Variants in MBNL1 observed in about 807,000 individuals in gnomAD.
MBNL1 encodes muscleblind-like protein 1.
A neutral mutation model predicts 42.2 loss-of-function variants in MBNL1; 8 were observed. The ratio of observed to expected loss-of-function variants is 0.19; its 90% CI spans 0.11 to 0.34. The LOEUF (loss-of-function observed/expected upper bound fraction) is 0.34, where lower values mean the gene tolerates loss of function less well. Among genes scored for constraint, MBNL1 ranks in the 10% least tolerant of loss-of-function variants. MBNL1 has a pLI of 1.00. For missense variants in MBNL1, 309 were observed against 495.3 expected (o/e 0.62, Z 3.57); for synonymous variants, 169 against 173.9 (o/e 0.97, Z 0.22).
chr3:152,408,915 C>G (rs969385282), intron 2 of MBNL1, among the ~76,000 whole-genome samples: 1 of 152,150 alleles, frequency 6.6e-6, no homozygotes, highest in Non-Finnish European at 1.5e-5. Flanking sequence ...AAAAATATAT[C>G]TAGCCCAAAA....
chr3:152,458,954 T>TGC (rs1198888334), intron 8 of MBNL1: 1 of 199,794 alleles, frequency 5.0e-6, no homozygotes, highest in Non-Finnish European at 1.0e-5. Flanking sequence ...ACCACGGGGG[T>TGC]GCGTGTGTGT....
intron 2 of MBNL1, among the ~76,000 whole-genome samples, chr3:152,336,135 T>C (rs1471267578): frequency 6.7e-6 from 1 of 148,318 alleles, no homozygotes; most frequent in Non-Finnish European, 1.5e-5. Context: ...TCTGATCTTA[T>C]GTAAGATACT....
intron 3 of MBNL1, among the ~76,000 whole-genome samples, chr3:152,426,217 G>A (rs1193607101): frequency 6.6e-6 from 1 of 151,918 alleles, no homozygotes; most frequent in Non-Finnish European, 1.5e-5. Flanking sequence ...GGCAAGGTGG[G>A]GGATAGCATT....
chr3:152,250,360 T>C (rs2034303426), intron 2 of MBNL1, among the ~76,000 whole-genome samples: 1 of 151,582 alleles, frequency 6.6e-6, no homozygotes, highest in African/African-American at 2.4e-5. Flanking sequence ...GATTCCTAAG[T>C]ATTTTATTCT....
chr3:152,399,165 G>A (rs16864251), intron 2 of MBNL1, among the ~76,000 whole-genome samples: 32,917 of 151,990 alleles, frequency 0.22, 3,801 homozygotes, highest in South Asian at 0.28. Context: ...GCACATGAGA[G>A]GTCTCACCAT....
In MBNL1 at chr3:152,464,896, G is replaced by A. The variant is rs548084416; in HGVS notation, c.*2530G>A. The A allele has an allele frequency of 6.5e-6, 1 of 152,768 alleles. No individual in the cohort carries two copies. The highest frequency in any genetic ancestry group is 2.1e-4 in the South Asian group (1 of 4,826). 9.5% of individuals were successfully genotyped at this position (152,768 alleles called of 1,614,324 possible). A position where few individuals can be genotyped will look rare whatever the true frequency, so the allele number is the denominator to read the frequency against. ...ATAAAAACGTCTATAATTACAAGGA[G>A]TTTTGTTAAGGCTAATACAATGACA... On this transcript the variant is annotated 3_prime_UTR_variant, in exon 10 of 10. Transcript: ENST00000324210.
chr3:152,361,948 G>A (rs978480586), intron 2 of MBNL1, among the ~76,000 whole-genome samples: 1 of 152,124 alleles, frequency 6.6e-6, no homozygotes, highest in Non-Finnish European at 1.5e-5. Context: ...TTTTAAAAAT[G>A]TGTTGCTCTC....
intron 4 of MBNL1, among the ~76,000 whole-genome samples, chr3:152,437,191 A>C (rs2153801137): frequency 6.6e-6 from 1 of 152,308 alleles, no homozygotes; most frequent in Admixed American, 6.5e-5. Context: ...TTGAATGTTG[A>C]GTTCCTTCTG....
rs2057425507 is a variant in MBNL1, at chr3:152,294,074, CT to C, written c.-789-5326del. The stretch of plus-strand genomic sequence containing the variant: ...TGTCATTTCAAATTTTATTTCTTTC[CT>C]TTTTATTTTCTCCCTTATATTTATC... On this transcript the variant is annotated intron_variant, in intron 1 of 9. Coordinates refer to ENST00000324210, the MANE Select transcript of MBNL1 (RefSeq NM_021038.5). Among the ~76,000 whole-genome samples the C allele has an allele frequency of 2.7e-5, 4 of 150,842 alleles. No individual in the cohort carries two copies. The East Asian group carries it at 7.7e-4, about 29-fold the overall frequency.
chr3:152,316,459 G>C (rs2071524791), intron 2 of MBNL1, among the ~76,000 whole-genome samples: 1 of 152,128 alleles, frequency 6.6e-6, no homozygotes, highest in Non-Finnish European at 1.5e-5. Context: ...TGCCCACTGT[G>C]TGCAAATAGC....
At chr3:152,370,834 T>C (rs796406700) in intron 2 of MBNL1, among the ~76,000 whole-genome samples, 2 of 126,496 alleles carry the variant, frequency 1.6e-5, no homozygotes, top group African/African-American at 2.6e-5. Context: ...CAACCCCTGC[T>C]TTTTTTTTTT....
intron 2 of MBNL1, among the ~76,000 whole-genome samples, chr3:152,388,962 A>G (rs1332163623): frequency 6.6e-6 from 1 of 152,256 alleles, no homozygotes; most frequent in Non-Finnish European, 1.5e-5. Flanking sequence ...GACATTATTA[A>G]TAAAGATTAA....
chr3:152,382,710 C>A (rs2097232849), intron 2 of MBNL1, among the ~76,000 whole-genome samples: 1 of 152,120 alleles, frequency 6.6e-6, no homozygotes, highest in East Asian at 1.9e-4. Flanking sequence ...AGGTTTCTTT[C>A]TGTTCCATTA....
Position 152,392,594 on chromosome 3 carries a change from A to G in MBNL1, c.175-22347A>G, listed in dbSNP as rs2097767377. On this transcript the variant is annotated intron_variant, in intron 2 of 9. Coordinates refer to ENST00000324210, the MANE Select transcript of MBNL1 (RefSeq NM_021038.5). ...CAAAGCCTTGATGTTGAGATTTTGA[A>G]TAATACATGTCTGTTTTAACATTTA... is the stretch of plus-strand genomic sequence containing the variant. Among the ~76,000 whole-genome samples the G allele has an allele frequency of 2.6e-5, 4 of 152,384 alleles. No individual in the cohort carries two copies. In the Middle Eastern group the frequency reaches 0.01, roughly 389 times the overall value.
At position 152,291,676 on chromosome 3, in the gene MBNL1, T is replaced by A. The variant is rs553515547; in HGVS notation, c.-789-7729T>A. The stretch of plus-strand genomic sequence containing the variant: ...AACCACTGCCTTCTCTCATGGAGCT[T>A]ACATTTTTGTGGCAAAGGCAAATGA... On this transcript the variant is annotated intron_variant, in intron 1 of 9. Transcript: ENST00000324210. Among the ~76,000 whole-genome samples, 43 of 152,342 alleles carry A rather than the reference T, an allele frequency of 2.8e-4. No homozygotes were observed. In the South Asian group the frequency reaches 8.7e-3, roughly 31 times the overall value.
intron 1 of MBNL1, chr3:152,269,403 A>G: frequency 2.6e-6 from 1 of 383,024 alleles, no homozygotes; most frequent in South Asian, 1.8e-5. Context: ...CGAGAAGAGA[A>G]ACAGGTGCGT....
At chr3:152,448,839 A>C (rs375043665) in intron 6 of MBNL1, among the ~76,000 whole-genome samples, 34 of 152,290 alleles carry the variant, frequency 2.2e-4, no homozygotes, top group African/African-American at 7.7e-4. Context: ...AGTCATCCAT[A>C]TGTAAAATAA....
At chr3:152,294,208 C>T (rs555738857) in intron 1 of MBNL1, among the ~76,000 whole-genome samples, 11 of 150,656 alleles carry the variant, frequency 7.3e-5, no homozygotes, top group African/African-American at 1.7e-4. Flanking sequence ...GAAACTATAG[C>T]GTTTGGAATG....
At chr3:152,447,876 A>ATT in intron 6 of MBNL1, 103 bp downstream of exon 6, 3 of 1,047,034 alleles carry the variant, frequency 2.9e-6, no homozygotes, top group Non-Finnish European at 4.1e-6. Context: ...ATTATAGATG[A>ATT]GGTGTCAGGT....
Sources: allele counts gnomAD v4.1 joint callset (sites outside exome capture counted in the v4.1 genomes callset), GRCh38; gene constraint gnomAD v4.1.1; transcripts MANE v1.5; gene names NCBI Gene and HGNC (gene_info 2026-07-23, HGNC 2026-07-21).